Variants in ZNF425 observed in about 807,000 individuals in gnomAD.
ZNF425 encodes the protein zinc finger protein 425.
ZNF425 carries 21 observed loss-of-function variants against 17.0 expected under a neutral mutation model. The observed-to-expected ratio is 1.23, with a 90% CI of 0.88 to 1.78. ZNF425 has a LOEUF of 1.78. ZNF425 is among the 40% of genes most tolerant of loss of function. ZNF425 has a pLI of 0.00. For missense variants in ZNF425, 868 were observed against 967.3 expected (o/e 0.90, Z 1.36); for synonymous variants, 433 against 384.1 (o/e 1.13, Z -1.49).
rs775693461 is a variant in ZNF425 at position 149,105,163 on chromosome 7, C to A, written c.708G>T (p.Thr236=). The part of the protein sequence containing the change: ...SSRGKSELRR[T]QRLLCQKKRF... The stretch of plus-strand genomic sequence containing the variant: ...GCTTCTTCTGACACAGGAGCCTCTG[C>A]GTCCGCCTGAGTTCGGACTTCCCTC... The change falls in exon 4 of 4, where the codon ACG becomes ACT. Residue 236 remains threonine (T), a synonymous_variant. Coordinates refer to ENST00000378061, the MANE Select transcript of ZNF425 (RefSeq NM_001001661.3). 1.9e-6 allele frequency: 3 copies of A among 1,614,220 alleles called. No individual in the cohort carries two copies. The highest frequency in any genetic ancestry group is 1.6e-4 in the Middle Eastern group (1 of 6,062).
rs1826301146 is a variant in ZNF425, at chr7:149,118,353, A to C, written c.19-5T>G. 1 of 1,614,092 alleles carries C rather than the reference A, an allele frequency of 6.2e-7. No individual in the cohort carries two copies. ...ATCATCAAATGTCACAGTTACCTGG[A>C]ATCACAAATAGTATACACATACATT... is the stretch of plus-strand genomic sequence containing the variant. On this transcript the variant is annotated splice_polypyrimidine_tract_variant and splice_region_variant and intron_variant, in intron 1 of 3. Coordinates refer to ENST00000378061, the MANE Select transcript of ZNF425 (RefSeq NM_001001661.3).
rs545140773 is a variant in ZNF425 at position 149,107,980 on chromosome 7, G to A, written c.305-2414C>T. ...TCCAGGGCTCAAGTGATCCTCCAAC[G>A]TTAGCCCCTACCTCCAAGTAGCTGG... On this transcript the variant is annotated intron_variant, in intron 3 of 3. Coordinates refer to ENST00000378061, the MANE Select transcript of ZNF425 (RefSeq NM_001001661.3). Among the ~76,000 whole-genome samples the A allele has an allele frequency of 5.3e-5, 8 of 151,722 alleles. No homozygotes were observed. The East Asian group carries it at 5.8e-4, about 11-fold the overall frequency.
At chr7:149,117,642 C>CTTT (rs869026303) in intron 2 of ZNF425, among the ~76,000 whole-genome samples, 5,592 of 55,122 alleles carry the variant, frequency 0.1, 1,346 homozygotes, top group African/African-American at 0.16. Flanking sequence ...CTTAGTAATT[C>CTTT]TTTTTTTTTT....
In ZNF425 at chr7:149,126,323, G is replaced by A; in HGVS notation, c.-110C>T. 6.8e-7 allele frequency: 1 copy of A among 1,476,372 alleles called. No homozygotes were observed. The highest frequency in any genetic ancestry group is 9.0e-7 in the Non-Finnish European group (1 of 1,112,076). The allele number at this position is 1,476,372 out of a possible 1,614,324, so 91.5% of individuals were successfully genotyped here. A position where few individuals can be genotyped will look rare whatever the true frequency, so the allele number is the denominator to read the frequency against. ...CCCCCAAAGGCAGAGCCGGCCGGGC[G>A]CGGTGCATGCTGGGACTCGGCGCTC... On this transcript the variant is annotated 5_prime_UTR_variant, in exon 1 of 4. Coordinates refer to ENST00000378061, the MANE Select transcript of ZNF425 (RefSeq NM_001001661.3).
chr7:149,118,138 A>G (rs1826295890), intron 2 of ZNF425, 84 bp downstream of exon 2: 1 of 1,514,662 alleles, frequency 6.6e-7, no homozygotes, highest in Admixed American at 1.8e-5. Context: ...ATCATATTCA[A>G]CCAGCCCACG....
intron 1 of ZNF425, among the ~76,000 whole-genome samples, chr7:149,120,360 C>T (rs777817060): frequency 1.4e-4 from 22 of 152,096 alleles, no homozygotes; most frequent in Admixed American, 3.9e-4. Flanking sequence ...CCAGCCTGGG[C>T]GACAGAATGA....
At chr7:149,105,815 T>C (rs1826074848) in intron 3 of ZNF425, among the ~76,000 whole-genome samples, 1 of 151,862 alleles carries the variant, frequency 6.6e-6, no homozygotes, top group Non-Finnish European at 1.5e-5. Flanking sequence ...CACGCCCGGC[T>C]AATTTTTTGT....
rs781062812 is a variant in ZNF425, at chr7:149,118,329, T to C, written c.38A>G (p.Asp13Gly). ...TTGTTCCGAAAAATATAAGGCCACA[T>C]CATCAAATGTCACAGTTACCTGGAA... ...EPASVTVTFDDVALYFSEQEW... is the reference protein window; with the variant it reads ...EPASVTVTFDGVALYFSEQEW... The change falls in exon 2 of 4, where the codon GAT becomes GGT. Residue 13 changes from aspartate to glycine, a missense_variant. Around this residue, in one of 5 missense-constraint regions of ZNF425, gnomAD observed 179 missense variants for 216.3 expected, o/e 0.83. Coordinates refer to ENST00000378061, the MANE Select transcript of ZNF425 (RefSeq NM_001001661.3). 9 of 1,614,042 alleles carry C rather than the reference T, an allele frequency of 5.6e-6. No individual in the cohort carries two copies. In the East Asian group the frequency reaches 1.3e-4, roughly 24 times the overall value.
intron 3 of ZNF425, among the ~76,000 whole-genome samples, chr7:149,111,756 C>G (rs906256452): frequency 1.3e-5 from 2 of 151,660 alleles, no homozygotes; most frequent in African/African-American, 4.8e-5. Flanking sequence ...ATTGGCTCAC[C>G]ACAACCTCCG....
At chr7:149,112,617 A>G (rs1826192201) in intron 2 of ZNF425, among the ~76,000 whole-genome samples, 1 of 152,142 alleles carries the variant, frequency 6.6e-6, no homozygotes, top group South Asian at 2.1e-4. Context: ...TAGGCAACAG[A>G]CCGAGACTCC....
chr7:149,126,127 G>C, intron 1 of ZNF425, 69 bp downstream of exon 1: 1 of 1,609,374 alleles, frequency 6.2e-7, no homozygotes, highest in South Asian at 1.1e-5. Flanking sequence ...CCTGGACGCG[G>C]ACCCCAATCC....
intron 2 of ZNF425, among the ~76,000 whole-genome samples, chr7:149,114,370 C>G (rs1013791835): frequency 1.1e-5 from 1 of 88,160 alleles, no homozygotes; most frequent in East Asian, 4.0e-4. Context: ...CTGCGCCCAG[C>G]CTTTTTTTTT....
At chr7:149,118,486 A>C in intron 1 of ZNF425, 138 bp from the exon 2 acceptor site, 2 of 1,054,210 alleles carry the variant, frequency 1.9e-6, no homozygotes, top group Non-Finnish European at 2.8e-6. Context: ...ATAAACAACA[A>C]AGGGGTCACA....
Position 149,103,764 on chromosome 7 carries a change from A to C in ZNF425, c.2107T>G (p.Phe703Val). Residue 703 changes from phenylalanine to valine, a missense_variant, in exon 4 of 4, where the codon TTC becomes GTC. Physicochemically the swap from Phe to Val is conservative, Grantham distance 50 (BLOSUM62 -1). Coordinates refer to ENST00000378061, the MANE Select transcript of ZNF425 (RefSeq NM_001001661.3). Reference protein sequence around the residue: ...PFQCPECGKGFLQKRSLKAHL... With the variant: ...PFQCPECGKGVLQKRSLKAHL... ...GCCTTCAGGCTTCTCTTCTGGAGGA[A>C]GCCTTTGCCACACTCGGGACACTGG... The C allele has an allele frequency of 6.2e-7, 1 of 1,614,168 alleles. No individual in the cohort carries two copies. Among genetic ancestry groups the C allele is most frequent in the Non-Finnish European group, 8.5e-7 (1 of 1,180,044 alleles).
In ZNF425 at chr7:149,112,147, C is replaced by T; in HGVS notation, c.294G>A (p.Leu98=). The T allele has an allele frequency of 6.2e-7, 1 of 1,613,302 alleles. No individual in the cohort carries two copies. The highest frequency in any genetic ancestry group is 1.1e-5 in the South Asian group (1 of 90,890). The change falls in exon 3 of 4, where the codon TTG becomes TTA. Residue 98 remains leucine (L), a synonymous_variant. Coordinates refer to ENST00000378061, the MANE Select transcript of ZNF425 (RefSeq NM_001001661.3). ...ATCCATCTTACTCACCAAAACATAG[C>T]AACTTTCCAGTATTCTTCATGTTCA... ...EQLNMKNTGK[L]LCFDDEGTPR...
intron 3 of ZNF425, among the ~76,000 whole-genome samples, chr7:149,110,624 G>C (rs1826159609): frequency 2.0e-5 from 3 of 151,126 alleles, no homozygotes; most frequent in African/African-American, 7.3e-5. Context: ...ACTCCCTTAT[G>C]TCACAAGGAA....
intron 3 of ZNF425, among the ~76,000 whole-genome samples, chr7:149,110,893 C>G (rs1286059231): frequency 6.7e-6 from 1 of 150,150 alleles, no homozygotes; most frequent in Non-Finnish European, 1.5e-5. Flanking sequence ...CTCCTGCATT[C>G]CAGCAATTCT....
intron 1 of ZNF425, among the ~76,000 whole-genome samples, chr7:149,123,309 G>A (rs1161820052): frequency 6.6e-6 from 1 of 152,148 alleles, no homozygotes; most frequent in Non-Finnish European, 1.5e-5. Context: ...TACTAGCAAA[G>A]TACTGGACAT....
chr7:149,119,367 C>T (rs1014422805), intron 1 of ZNF425, among the ~76,000 whole-genome samples: 120 of 151,882 alleles, frequency 7.9e-4, no homozygotes, highest in Middle Eastern at 3.4e-3. Context: ...GATTAAGGCA[C>T]GAGCCACTAC....
Sources: allele counts gnomAD v4.1 joint callset (sites outside exome capture counted in the v4.1 genomes callset), GRCh38; gene constraint gnomAD v4.1.1; regional missense constraint gnomAD v4.1.1; transcripts MANE v1.5; gene names NCBI Gene and HGNC (gene_info 2026-07-23, HGNC 2026-07-21).